The following SDK1 variants were observed in gnomAD, a reference collection of about 807,000 sequenced individuals.
The protein encoded by SDK1 is protein sidekick-1.
A neutral mutation model predicts 245.5 loss-of-function variants in SDK1; 157 were observed. The observed-to-expected ratio is 0.64, with a 90% CI of 0.56 to 0.73. SDK1 has a LOEUF of 0.73. Among genes scored for constraint, SDK1 ranks in the 30% least tolerant of loss-of-function variants. The pLI, the probability that SDK1 is intolerant of heterozygous loss-of-function variation, is 0.00. For missense variants in SDK1, 3,583 were observed against 3,002.3 expected (o/e 1.19, Z -4.52); for synonymous variants, 1,647 against 1,278.5 (o/e 1.29, Z -6.15).
chr7:3,623,392 C>T (rs1782006231), intron 2 of SDK1, among the ~76,000 whole-genome samples: 1 of 151,882 alleles, frequency 6.6e-6, no homozygotes, highest in African/African-American at 2.4e-5. Flanking sequence ...AGGCATGTGT[C>T]ACCACGCCTG....
intron 1 of SDK1, among the ~76,000 whole-genome samples, chr7:3,493,417 C>G (rs992538944): frequency 6.6e-6 from 1 of 152,122 alleles, no homozygotes; most frequent in African/African-American, 2.4e-5. Flanking sequence ...TTAATGGATG[C>G]TTATAGTTTT....
intron 1 of SDK1, among the ~76,000 whole-genome samples, chr7:3,386,744 G>A (rs10255389): frequency 0.74 from 113,234 of 152,092 alleles, 42,354 homozygotes; most frequent in South Asian, 0.84. Flanking sequence ...AGTGAGTCCC[G>A]GGGACTTGAC....
chr7:3,995,289 C>T (rs114263944), intron 14 of SDK1, among the ~76,000 whole-genome samples: 3 of 152,216 alleles, frequency 2.0e-5, no homozygotes, highest in Admixed American at 6.5e-5. Context: ...TTTGCCTGAT[C>T]AGCTCTTACT....
At chr7:3,946,603 C>CACT (rs1780588719) in intron 5 of SDK1, among the ~76,000 whole-genome samples, 1 of 152,144 alleles carries the variant, frequency 6.6e-6, no homozygotes, top group African/African-American at 2.4e-5. Flanking sequence ...AGATGTAAGC[C>CACT]ACTAAGCCTG....
chr7:3,524,149 AC>A (rs1172760512), intron 1 of SDK1, among the ~76,000 whole-genome samples: 2 of 152,204 alleles, frequency 1.3e-5, no homozygotes, highest in African/African-American at 4.8e-5. Flanking sequence ...TGGGGCAAGA[AC>A]TTCCCAGAAT....
intron 1 of SDK1, among the ~76,000 whole-genome samples, chr7:3,604,266 T>C (rs1314224999): frequency 6.6e-6 from 1 of 152,222 alleles, no homozygotes; most frequent in East Asian, 1.9e-4. Flanking sequence ...TGGTACCAGC[T>C]CCTCTTTGTA....
chr7:3,546,625 A>G (rs915092425), intron 1 of SDK1, among the ~76,000 whole-genome samples: 8 of 152,156 alleles, frequency 5.3e-5, no homozygotes, highest in Admixed American at 4.6e-4. Flanking sequence ...TTTAAAATTA[A>G]GAGAAAGACA....
chr7:3,969,494 G>C (rs1313377503), intron 11 of SDK1, 70 bp downstream of exon 11: 4 of 1,252,632 alleles, frequency 3.2e-6, no homozygotes, highest in Non-Finnish European at 2.1e-6. Context: ...CGTGTGCTTT[G>C]GGGATGTCAG....
At chr7:3,532,229 C>A (rs1235996081) in intron 1 of SDK1, among the ~76,000 whole-genome samples, 1 of 152,144 alleles carries the variant, frequency 6.6e-6, no homozygotes, top group Admixed American at 6.5e-5. Context: ...TTTTTATTCC[C>A]AGTGGCTTGT....
chr7:3,632,510 T>C (rs1294347679), intron 2 of SDK1, among the ~76,000 whole-genome samples: 6 of 152,176 alleles, frequency 3.9e-5, no homozygotes, highest in Non-Finnish European at 8.8e-5. Flanking sequence ...CTTATATTCA[T>C]TCACCAGATT....
chr7:3,841,953 C>G (rs1780169213), intron 5 of SDK1, among the ~76,000 whole-genome samples: 1 of 152,200 alleles, frequency 6.6e-6, no homozygotes, highest in South Asian at 2.1e-4. Flanking sequence ...TGACAGGTGG[C>G]CTCAGACTAC....
At chr7:3,355,910 A>C (rs1035602853) in intron 1 of SDK1, among the ~76,000 whole-genome samples, 2 of 152,080 alleles carry the variant, frequency 1.3e-5, no homozygotes, top group African/African-American at 2.4e-5. Context: ...TGTTCTTTTT[A>C]TTCTCTTCAA....
intron 4 of SDK1, among the ~76,000 whole-genome samples, chr7:3,774,011 G>T (rs1360998851): frequency 6.6e-6 from 1 of 152,028 alleles, no homozygotes; most frequent in African/African-American, 2.4e-5. Flanking sequence ...TCAGGAGATC[G>T]AGATCATCCT....
intron 1 of SDK1, among the ~76,000 whole-genome samples, chr7:3,522,473 A>G (rs777161153): frequency 6.6e-6 from 1 of 152,168 alleles, no homozygotes. Flanking sequence ...ACTCACGTAC[A>G]TGGCATAAAA....
intron 17 of SDK1, among the ~76,000 whole-genome samples, chr7:4,027,752 AAAAT>A (rs531608854): frequency 7.3e-4 from 111 of 152,310 alleles, no homozygotes; most frequent in African/African-American, 2.5e-3. Context: ...TTAAATATCA[AAAAT>A]AAAAATGTGT....
At chr7:4,027,864 A>T (rs1787484290) in intron 17 of SDK1, among the ~76,000 whole-genome samples, 1 of 151,830 alleles carries the variant, frequency 6.6e-6, no homozygotes, top group Non-Finnish European at 1.5e-5. Context: ...AGGAGAGGAG[A>T]AGGGGGAGAA....
intron 5 of SDK1, among the ~76,000 whole-genome samples, chr7:3,857,443 G>A (rs953856748): frequency 1.6e-4 from 25 of 152,174 alleles, no homozygotes; most frequent in African/African-American, 6.0e-4. Context: ...AGCACTTTGG[G>A]AGGACATGGC....
At chr7:3,910,011 A>G (rs1779109161) in intron 5 of SDK1, among the ~76,000 whole-genome samples, 1 of 152,236 alleles carries the variant, frequency 6.6e-6, no homozygotes, top group African/African-American at 2.4e-5. Context: ...AAAAGCGCTC[A>G]TGGATGGAAA....
At chr7:3,706,985 G>A (rs1784910130) in intron 4 of SDK1, among the ~76,000 whole-genome samples, 1 of 152,022 alleles carries the variant, frequency 6.6e-6, no homozygotes, top group Non-Finnish European at 1.5e-5. Context: ...TATCAACTTT[G>A]TCTTTTCAAA....
Sources: allele counts gnomAD v4.1 joint callset (sites outside exome capture counted in the v4.1 genomes callset), GRCh38; gene constraint gnomAD v4.1.1; transcripts MANE v1.5; gene names NCBI Gene and HGNC (gene_info 2026-07-23, HGNC 2026-07-21).